Variants in UNC13B observed in about 807,000 individuals in gnomAD.
The protein encoded by UNC13B is protein unc-13 homolog B.
Under a neutral mutation model 211.0 loss-of-function variants are expected in UNC13B, and 144 were observed. The observed-to-expected ratio is 0.68, with a 90% confidence interval of 0.60 to 0.78. The LOEUF (loss-of-function observed/expected upper bound fraction) is 0.78. Ranked by LOEUF, UNC13B falls within the 30% of genes least tolerant of loss-of-function variation. UNC13B has a pLI of 0.00. For missense variants in UNC13B, 1,777 were observed against 2,002.0 expected (o/e 0.89, Z 2.14); for synonymous variants, 709 against 725.8 (o/e 0.98, Z 0.37).
chr9:35,214,618 A>C (rs943318323), intron 1 of UNC13B, among the ~76,000 whole-genome samples: 1 of 152,168 alleles, frequency 6.6e-6, no homozygotes, highest in Non-Finnish European at 1.5e-5. Flanking sequence ...GCTGAGTGAC[A>C]TTGCAGATAA....
chr9:35,359,664 C>G (rs1289349252), intron 11 of UNC13B, among the ~76,000 whole-genome samples: 1 of 152,206 alleles, frequency 6.6e-6, no homozygotes, highest in Non-Finnish European at 1.5e-5. Flanking sequence ...TTGACTCTCC[C>G]TTCTCTCTCA....
chr9:35,398,656 C>A lies in UNC13B; in HGVS notation c.11921+14C>A. On this transcript the variant is annotated intron_variant, in intron 32 of 39. Coordinates refer to ENST00000635942, the MANE Select transcript of UNC13B (RefSeq NM_001371189.2). ...GTTTGGAAACAGGTCAGTGACCCCA[C>A]AATACAAGGCCCTCAGAGCCAGATG... The A allele has an allele frequency of 6.2e-7, 1 of 1,613,478 alleles. No individual in the cohort carries two copies. The highest frequency in any genetic ancestry group is 8.5e-7 in the Non-Finnish European group (1 of 1,179,750).
rs1293511360 is a variant in UNC13B at position 35,332,572 on chromosome 9, T to C, written c.9414+18583T>C. On this transcript the variant is annotated intron_variant, in intron 11 of 39. Coordinates refer to ENST00000635942, the MANE Select transcript of UNC13B (RefSeq NM_001371189.2). ...AGTCTCTGTCTCTTCTCTGTTTCCC[T>C]TTGTGTTCGGGTTCTCTTTATTTGC... Among the ~76,000 whole-genome samples the C allele has an allele frequency of 2.6e-5, 4 of 152,348 alleles. No homozygotes were observed. In the East Asian group the frequency reaches 5.8e-4, roughly 22 times the overall value.
intron 26 of UNC13B, 151 bp from the exon 27 acceptor site, chr9:35,396,325 G>A: frequency 2.2e-6 from 2 of 929,686 alleles, no homozygotes; most frequent in Non-Finnish European, 3.2e-6. Context: ...GAACACTGTT[G>A]GGGAGAGATG....
intron 3 of UNC13B, among the ~76,000 whole-genome samples, chr9:35,232,177 C>CTGTTTTTTTTTTT (rs1825242540): frequency 3.2e-5 from 1 of 31,536 alleles, no homozygotes; most frequent in Non-Finnish European, 5.9e-5. Flanking sequence ...TATATTGCTG[C>CTGTTTTTTTTTTT]TTTTTTTTTT....
intron 11 of UNC13B, among the ~76,000 whole-genome samples, chr9:35,346,581 T>C (rs970103323): frequency 6.6e-6 from 1 of 152,216 alleles, no homozygotes; most frequent in African/African-American, 2.4e-5. Flanking sequence ...TCATTTTGTT[T>C]TGATGTGCTC....
At chr9:35,320,279 G>A (rs1250299899) in intron 11 of UNC13B, among the ~76,000 whole-genome samples, 1 of 152,112 alleles carries the variant, frequency 6.6e-6, no homozygotes, top group East Asian at 1.9e-4. Flanking sequence ...TGGGTTGAAT[G>A]CTAGCTCTGT....
At chr9:35,346,040 G>C (rs1832336258) in intron 11 of UNC13B, among the ~76,000 whole-genome samples, 1 of 152,144 alleles carries the variant, frequency 6.6e-6, no homozygotes, top group African/African-American at 2.4e-5. Flanking sequence ...CTTTGATCTA[G>C]GGCATTTCTC....
At chr9:35,398,771 C>T (rs1327413397) in intron 32 of UNC13B, 111 bp from the exon 33 acceptor site, 9 of 1,561,060 alleles carry the variant, frequency 5.8e-6, no homozygotes, top group African/African-American at 1.4e-5. Flanking sequence ...GCTGACTGTC[C>T]CTGCTGGAAA....
intron 7 of UNC13B, among the ~76,000 whole-genome samples, chr9:35,266,072 G>A (rs1827557607): frequency 6.6e-6 from 1 of 152,084 alleles, no homozygotes; most frequent in Non-Finnish European, 1.5e-5. Flanking sequence ...AAAAGTGCTG[G>A]GATTATAGGC....
chr9:35,317,385 T>G (rs1187771038), intron 11 of UNC13B, among the ~76,000 whole-genome samples: 1 of 152,040 alleles, frequency 6.6e-6, no homozygotes, highest in Non-Finnish European at 1.5e-5. Context: ...TAATGCTTTG[T>G]AGAGATGGAA....
At chr9:35,171,058 C>T (rs111342526) in intron 1 of UNC13B, among the ~76,000 whole-genome samples, 5 of 152,278 alleles carry the variant, frequency 3.3e-5, no homozygotes, top group African/African-American at 9.6e-5. Context: ...GTCTGCCCGC[C>T]TCAGCCTCCC....
At chr9:35,189,820 C>T (rs1201113011) in intron 1 of UNC13B, among the ~76,000 whole-genome samples, 2 of 152,150 alleles carry the variant, frequency 1.3e-5, no homozygotes, top group African/African-American at 4.8e-5. Context: ...CAAGCATGCA[C>T]CACCACACCC....
chr9:35,276,570 AT>A (rs1828189969), intron 7 of UNC13B, among the ~76,000 whole-genome samples: 1 of 152,052 alleles, frequency 6.6e-6, no homozygotes, highest in Non-Finnish European at 1.5e-5. Context: ...GTGAAGAGTT[AT>A]TTTTTTCCTC....
At chr9:35,326,801 T>G (rs534987958) in intron 11 of UNC13B, among the ~76,000 whole-genome samples, 32 of 152,310 alleles carry the variant, frequency 2.1e-4, no homozygotes, top group African/African-American at 7.5e-4. Flanking sequence ...TCAAAATATT[T>G]TATTGTATTG....
chr9:35,257,404 A>T (rs955787773), intron 6 of UNC13B, among the ~76,000 whole-genome samples: 3 of 122,484 alleles, frequency 2.4e-5, no homozygotes, highest in African/African-American at 3.2e-5. Flanking sequence ...AAAAATATTT[A>T]TATAAATATT....
intron 7 of UNC13B, among the ~76,000 whole-genome samples, chr9:35,276,934 A>G (rs1828211857): frequency 6.6e-6 from 1 of 152,220 alleles, no homozygotes; most frequent in African/African-American, 2.4e-5. Context: ...TGAAACTAAT[A>G]CCCATTAGCC....
chr9:35,199,097 G>T, intron 1 of UNC13B, among the ~76,000 whole-genome samples: 1 of 152,092 alleles, frequency 6.6e-6, no homozygotes, highest in South Asian at 2.1e-4. Context: ...GCGGTGTTTG[G>T]TTTTCTGTCC....
chr9:35,251,854 T>C (rs1826512369), intron 6 of UNC13B, among the ~76,000 whole-genome samples: 1 of 152,162 alleles, frequency 6.6e-6, no homozygotes. Flanking sequence ...TTTTACTTTA[T>C]TTTATTTTTG....
Sources: allele counts gnomAD v4.1 joint callset (sites outside exome capture counted in the v4.1 genomes callset), GRCh38; gene constraint gnomAD v4.1.1; transcripts MANE v1.5; gene names NCBI Gene and HGNC (gene_info 2026-07-23, HGNC 2026-07-21).